ATXN7: variants seen among roughly 807,000 people sequenced by gnomAD.
ATXN7 encodes the protein ataxin-7.
ATXN7 carries 12 observed loss-of-function variants against 70.5 expected under a neutral mutation model. The ratio of observed to expected loss-of-function variants is 0.17; its 90% CI spans 0.11 to 0.28. ATXN7 has a LOEUF of 0.28. Ranked by LOEUF, ATXN7 falls within the 10% of genes least tolerant of loss-of-function variation. The pLI is 1.00. For synonymous variants in ATXN7, 498 were observed against 448.7 expected (o/e 1.11, Z -1.39); for missense variants, 1,256 against 1,131.7 (o/e 1.11, Z -1.58).
At chr3:63,980,332 G>A in intron 6 of ATXN7, 165 bp downstream of exon 6, 2 of 996,930 alleles carry the variant, frequency 2.0e-6, no homozygotes, top group Non-Finnish European at 2.9e-6. Flanking sequence ...CATGTCATAG[G>A]AAACTTTTCA....
intron 1 of ATXN7, among the ~76,000 whole-genome samples, chr3:63,896,082 C>T (rs1205023522): frequency 6.6e-6 from 1 of 152,016 alleles, no homozygotes; most frequent in Admixed American, 6.6e-5. Flanking sequence ...TTTGTAGCCC[C>T]ATAGTACAAG....
At chr3:63,998,686 A>C (rs2075799184) in intron 12 of ATXN7, 4 of 985,018 alleles carry the variant, frequency 4.1e-6, no homozygotes, top group Middle Eastern at 5.2e-4. Flanking sequence ...AGGATCATTG[A>C]ACCCCAAGAA....
chr3:63,916,642 G>T lies in ATXN7; in HGVS notation c.394+3417G>T, dbSNP rs566611791. 9.2e-5 allele frequency among the ~76,000 whole-genome samples: 14 copies of T among 152,028 alleles called. No homozygotes were observed. The South Asian group carries it at 3.0e-3, about 33-fold the overall frequency. On this transcript the variant is annotated intron_variant, in intron 4 of 12. Transcript: ENST00000674280. ...CCTACCCAAGGCAAGAATACCCAAGGGTTAATGTTGTGGCAGAAGGTTAGA... is the reference window on the plus strand; with the variant it reads ...CCTACCCAAGGCAAGAATACCCAAGTGTTAATGTTGTGGCAGAAGGTTAGA...
chr3:63,935,702 A>G (rs1179588224), intron 4 of ATXN7, among the ~76,000 whole-genome samples: 2 of 152,048 alleles, frequency 1.3e-5, no homozygotes, highest in East Asian at 3.9e-4. Flanking sequence ...GGACCTTTAT[A>G]CAGCTCAGGA....
chr3:63,933,512 C>G (rs997870436), intron 4 of ATXN7, among the ~76,000 whole-genome samples: 1 of 152,132 alleles, frequency 6.6e-6, no homozygotes, highest in Non-Finnish European at 1.5e-5. Flanking sequence ...TGTTGACTTT[C>G]TTCATGTACT....
chr3:63,871,776 G>C lies in ATXN7; in HGVS notation c.-111+7618G>C, dbSNP rs149119018. 3.5e-3 allele frequency among the ~76,000 whole-genome samples: 529 copies of C among 151,966 alleles called. 2 individuals carry two copies. The highest frequency in any genetic ancestry group is 0.011 in the African/African-American group (476 of 41,476). ...ATGCCAGGAGCAAGAATTGTTACAG[G>C]GGAGAATCTGTTTTAATTATTAAAT... On this transcript the variant is annotated intron_variant, in intron 1 of 12. Transcript: ENST00000674280.
intron 5 of ATXN7, among the ~76,000 whole-genome samples, chr3:63,955,085 T>C (rs2075018921): frequency 6.6e-6 from 1 of 152,176 alleles, no homozygotes; most frequent in Non-Finnish European, 1.5e-5. Context: ...TATCTCCTAA[T>C]AAGATACTTG....
At chr3:63,976,067 A>G (rs1397551883) in intron 5 of ATXN7, among the ~76,000 whole-genome samples, 2 of 152,178 alleles carry the variant, frequency 1.3e-5, no homozygotes, top group East Asian at 3.8e-4. Flanking sequence ...ACTCCTCAGC[A>G]GACCACATTG....
Position 63,953,261 on chromosome 3 carries a change from AGGT to A in ATXN7, c.499+780_499+782del, listed in dbSNP as rs1413510344. ...GAGTGTTTAAAGAAAGCATCTTAGG[AGGT>A]GACACTGGAGCTGAGTCCTAAGTGA... On this transcript the variant is annotated intron_variant, in intron 5 of 12. Transcript: ENST00000674280. Among the ~76,000 whole-genome samples the A allele has an allele frequency of 2.1e-4, 32 of 152,270 alleles. No homozygotes were observed. In the East Asian group the frequency reaches 4.0e-3, roughly 19 times the overall value.
chr3:63,941,509 T>C (rs1166783432), intron 4 of ATXN7, among the ~76,000 whole-genome samples: 3 of 152,172 alleles, frequency 2.0e-5, no homozygotes, highest in Non-Finnish European at 4.4e-5. Flanking sequence ...GAAACCATTC[T>C]CTCCTTGCCC....
intron 1 of ATXN7, among the ~76,000 whole-genome samples, chr3:63,893,782 C>G (rs1703359150): frequency 6.6e-6 from 1 of 151,822 alleles, no homozygotes; most frequent in Admixed American, 6.6e-5. Flanking sequence ...TGTAGCTCAG[C>G]AGGTAGAAAA....
intron 11 of ATXN7, among the ~76,000 whole-genome samples, chr3:63,992,057 C>T (rs1376350984): frequency 6.6e-6 from 1 of 152,160 alleles, no homozygotes; most frequent in Non-Finnish European, 1.5e-5. Flanking sequence ...AATCCCCAGG[C>T]CATCCCAGAT....
intron 5 of ATXN7, among the ~76,000 whole-genome samples, chr3:63,969,623 T>C (rs955372694): frequency 1.3e-5 from 2 of 152,260 alleles, no homozygotes; most frequent in Non-Finnish European, 2.9e-5. Flanking sequence ...TTTTTTTAAT[T>C]GTCTTTTAGC....
intron 1 of ATXN7, among the ~76,000 whole-genome samples, chr3:63,868,012 G>A (rs1702487154): frequency 6.6e-6 from 1 of 152,210 alleles, no homozygotes; most frequent in Non-Finnish European, 1.5e-5. Context: ...GGTCTGACGT[G>A]CTAGTCCTGC....
intron 5 of ATXN7, among the ~76,000 whole-genome samples, chr3:63,954,613 A>G (rs917824624): frequency 2.0e-5 from 3 of 151,016 alleles, no homozygotes; most frequent in African/African-American, 7.3e-5. Context: ...TTCTAGGAGC[A>G]TTTACTCACT....
chr3:63,980,403 G>T, intron 6 of ATXN7: 1 of 575,048 alleles, frequency 1.7e-6, no homozygotes, highest in Non-Finnish European at 3.0e-6. Context: ...TTGTGTGCTA[G>T]CTACTGAAAC....
intron 5 of ATXN7, among the ~76,000 whole-genome samples, chr3:63,973,813 C>G (rs2075352350): frequency 6.6e-6 from 1 of 152,026 alleles, no homozygotes; most frequent in East Asian, 1.9e-4. Context: ...TTCTGGGGCC[C>G]TTTATGGACT....
chr3:63,945,814 G>A (rs942212035), intron 4 of ATXN7, among the ~76,000 whole-genome samples: 1 of 152,308 alleles, frequency 6.6e-6, no homozygotes, highest in South Asian at 2.1e-4. Context: ...CCACATTGAA[G>A]CTAAGACCGA....
chr3:63,933,906 C>T (rs1299941357), intron 4 of ATXN7, among the ~76,000 whole-genome samples: 3 of 150,828 alleles, frequency 2.0e-5, no homozygotes, highest in Non-Finnish European at 4.4e-5. Context: ...AGTTGATTTT[C>T]TCTTTTCTGT....
Sources: allele counts gnomAD v4.1 joint callset (sites outside exome capture counted in the v4.1 genomes callset), GRCh38; gene constraint gnomAD v4.1.1; transcripts MANE v1.5; gene names NCBI Gene and HGNC (gene_info 2026-07-23, HGNC 2026-07-21).